Variants in KCNQ5 observed in about 807,000 individuals in gnomAD.
KCNQ5 encodes the protein potassium voltage-gated channel subfamily Q member 5.
A neutral mutation model predicts 98.2 loss-of-function variants in KCNQ5; 30 were observed. The observed-to-expected ratio is 0.31, with a 90% CI of 0.23 to 0.41. KCNQ5 has a LOEUF of 0.41. Ranked by LOEUF, KCNQ5 falls within the 10% of genes least tolerant of loss-of-function variation. The pLI, the probability that KCNQ5 is intolerant of heterozygous loss-of-function variation, is 1.00. For synonymous variants in KCNQ5, 458 were observed against 449.4 expected, an observed-to-expected ratio of 1.02 and a Z score of -0.24; for missense variants, 835 against 1,182.5, an observed-to-expected ratio of 0.71 and a Z score of 4.31.
At chr6:72,750,288 G>C (rs962755302) in intron 1 of KCNQ5, among the ~76,000 whole-genome samples, 1 of 152,032 alleles carries the variant, frequency 6.6e-6, no homozygotes, top group Non-Finnish European at 1.5e-5. Context: ...CAATCTGATA[G>C]AATTAAGTGT....
At chr6:72,669,988 G>A (rs983196126) in intron 1 of KCNQ5, among the ~76,000 whole-genome samples, 1 of 147,472 alleles carries the variant, frequency 6.8e-6, no homozygotes, top group Non-Finnish European at 1.5e-5. Context: ...ATACTTAACA[G>A]TTCCTTCTTC....
intron 1 of KCNQ5, chr6:72,987,821 G>GT (rs34483022): frequency 0.13 from 45,072 of 355,170 alleles, 3,447 homozygotes; most frequent in East Asian, 0.21. Context: ...GAGATTACAA[G>GT]TTTTTTTTGG....
chr6:72,887,210 C>T (rs535097058), intron 1 of KCNQ5, among the ~76,000 whole-genome samples: 1 of 152,216 alleles, frequency 6.6e-6, no homozygotes, highest in East Asian at 1.9e-4. Context: ...GTTTAGTGGA[C>T]TTACAGTTCC....
At chr6:72,927,599 A>G (rs1282688594) in intron 1 of KCNQ5, among the ~76,000 whole-genome samples, 1 of 152,088 alleles carries the variant, frequency 6.6e-6, no homozygotes, top group Non-Finnish European at 1.5e-5. Context: ...TCAAGTAGAT[A>G]AGAAAATCTA....
In KCNQ5 at chr6:72,632,141, T is replaced by TC. The variant is rs1490377222; in HGVS notation, c.398+9554_398+9555insC. 1.0e-3 allele frequency among the ~76,000 whole-genome samples: 151 copies of TC among 147,124 alleles called. 1 individual carries two copies. The highest frequency in any genetic ancestry group is 2.5e-3 in the African/African-American group (102 of 40,228). On this transcript the variant is annotated intron_variant, in intron 1 of 13. Transcript: ENST00000370398. ...TAGATTTTTTCTTTCTTTCTTTCTT[T>TC]TTTTTTTTTTTTTTGAGACGGAGTC... is the stretch of plus-strand genomic sequence containing the variant.
chr6:73,125,690 TGTAAAG>T (rs1775952767), intron 9 of KCNQ5, among the ~76,000 whole-genome samples: 2 of 152,154 alleles, frequency 1.3e-5, no homozygotes, highest in African/African-American at 4.8e-5. Context: ...TATGTTTATA[TGTAAAG>T]ATAAACAAAT....
intron 1 of KCNQ5, among the ~76,000 whole-genome samples, chr6:72,803,916 A>G (rs1388312576): frequency 6.6e-6 from 1 of 152,150 alleles, no homozygotes; most frequent in Non-Finnish European, 1.5e-5. Flanking sequence ...GATGCATTTC[A>G]GGAGATAAAA....
chr6:72,632,067 C>T (rs1232177053), intron 1 of KCNQ5, among the ~76,000 whole-genome samples: 1 of 151,994 alleles, frequency 6.6e-6, no homozygotes, highest in Non-Finnish European at 1.5e-5. Context: ...GAGAGCCACA[C>T]ATGCTTAGCC....
chr6:72,867,058 T>C (rs1852975256), intron 1 of KCNQ5, among the ~76,000 whole-genome samples: 1 of 152,204 alleles, frequency 6.6e-6, no homozygotes, highest in African/African-American at 2.4e-5. Flanking sequence ...GCTCACCTAT[T>C]AGTTTAATAG....
intron 1 of KCNQ5, among the ~76,000 whole-genome samples, chr6:72,854,471 T>C (rs1374739964): frequency 1.3e-5 from 2 of 151,854 alleles, no homozygotes; most frequent in African/African-American, 2.4e-5. Flanking sequence ...TGTTCATTTA[T>C]GTAAAAAATT....
intron 1 of KCNQ5, among the ~76,000 whole-genome samples, chr6:72,692,162 T>G (rs1382562803): frequency 6.6e-6 from 1 of 152,244 alleles, no homozygotes; most frequent in Non-Finnish European, 1.5e-5. Flanking sequence ...TACTCCTTTA[T>G]GAGCATCTGC....
intron 3 of KCNQ5, among the ~76,000 whole-genome samples, chr6:73,051,705 C>CAAAAAA (rs201199934): frequency 1.7e-4 from 17 of 97,160 alleles, no homozygotes; most frequent in African/African-American, 6.6e-4. Flanking sequence ...AAGATAGAGG[C>CAAAAAA]AAAAAAAAAA....
At chr6:73,110,756 G>A (rs1775210465) in intron 6 of KCNQ5, among the ~76,000 whole-genome samples, 1 of 152,120 alleles carries the variant, frequency 6.6e-6, no homozygotes, top group African/African-American at 2.4e-5. Flanking sequence ...CTACAGCTGG[G>A]ACAGATTTTA....
chr6:73,087,151 A>G (rs538757698), intron 5 of KCNQ5, among the ~76,000 whole-genome samples: 2 of 152,320 alleles, frequency 1.3e-5, no homozygotes, highest in East Asian at 3.9e-4. Flanking sequence ...TGAAGAAGGA[A>G]CTAGAGGAAA....
At chr6:72,871,573 GTTGT>G (rs1778208568) in intron 1 of KCNQ5, among the ~76,000 whole-genome samples, 1 of 152,312 alleles carries the variant, frequency 6.6e-6, no homozygotes, top group African/African-American at 2.4e-5. Flanking sequence ...CTCGCTTGTA[GTTGT>G]AACAAGCAAA....
Position 73,145,835 on chromosome 6 carries a change from G to C in KCNQ5, c.1468+12194G>C, listed in dbSNP as rs575286441. The stretch of plus-strand genomic sequence containing the variant: ...ACTCACAGTTCCACAACCTGTACAG[G>C]AAGCACGCCTGGGATGCCTCAAGAA... On this transcript the variant is annotated intron_variant, in intron 10 of 13. Transcript: ENST00000370398. Among the ~76,000 whole-genome samples, 14 of 152,300 alleles carry C rather than the reference G, an allele frequency of 9.2e-5. No homozygotes were observed. In the South Asian group the frequency reaches 2.9e-3, roughly 32 times the overall value.
intron 1 of KCNQ5, among the ~76,000 whole-genome samples, chr6:72,902,925 G>C (rs1446641152): frequency 6.6e-6 from 1 of 151,994 alleles, no homozygotes; most frequent in Non-Finnish European, 1.5e-5. Flanking sequence ...CCAATTATTT[G>C]AGTGTCGGGT....
intron 1 of KCNQ5, among the ~76,000 whole-genome samples, chr6:72,996,706 G>A (rs1236690114): frequency 6.6e-5 from 10 of 152,200 alleles, no homozygotes; most frequent in South Asian, 6.2e-4. Flanking sequence ...AATGGACAAT[G>A]CAGATATTTA....
intron 2 of KCNQ5, among the ~76,000 whole-genome samples, chr6:73,016,321 A>T (rs1456288230): frequency 6.6e-6 from 1 of 152,050 alleles, no homozygotes; most frequent in Non-Finnish European, 1.5e-5. Context: ...TGAGACAAGG[A>T]AGGGCAAGAA....
Sources: gnomAD v4.1 joint callset for allele counts (sites outside exome capture counted in the v4.1 genomes callset) on GRCh38, gnomAD v4.1.1 for gene constraint, MANE v1.5 for transcripts, NCBI Gene and HGNC (gene_info 2026-07-23, HGNC 2026-07-21) for gene names.